Variants in ASTN1 observed in about 807,000 individuals in gnomAD.
ASTN1 encodes astrotactin-1.
A neutral mutation model predicts 140.7 loss-of-function variants in ASTN1; 41 were observed. The observed-to-expected ratio is 0.29, with a 90% CI of 0.23 to 0.38. The LOEUF (loss-of-function observed/expected upper bound fraction) is 0.38. Ranked by LOEUF, ASTN1 falls within the 10% of genes least tolerant of loss-of-function variation. ASTN1 has a pLI of 1.00. For missense variants in ASTN1, 1,479 were observed against 1,678.8 expected, an observed-to-expected ratio of 0.88 and a Z score of 2.08; for synonymous variants, 640 against 652.2, an observed-to-expected ratio of 0.98 and a Z score of 0.29.
At chr1:177,075,025 C>A (rs1678819422) in intron 1 of ASTN1, among the ~76,000 whole-genome samples, 1 of 152,152 alleles carries the variant, frequency 6.6e-6, no homozygotes, top group African/African-American at 2.4e-5. Context: ...ATCTCACACC[C>A]ATTGCTTTAT....
chr1:176,943,908 T>A lies in ASTN1; in HGVS notation c.2360A>T (p.Asp787Val). The stretch of plus-strand genomic sequence containing the variant: ...ACACTCACCAGTCAGGAAGTCAGGG[T>A]CAGGGGTGGGCTCCGAGATCTCCTC... ...CLEEISEPTP[D>V]PDFLTGMVNF... Residue 787 changes from aspartate (D) to valine (V), a missense_variant, in exon 14 of 23, where the codon GAC becomes GTC. Physicochemically the swap from Asp to Val is radical, Grantham distance 152. Around this residue, in one of 3 missense-constraint regions of ASTN1, gnomAD observed 746 missense variants for 800.9 expected, o/e 0.93. Transcript: ENST00000361833. 1 of 1,609,616 alleles carries A rather than the reference T, an allele frequency of 6.2e-7. No homozygotes were observed. The highest frequency in any genetic ancestry group is 1.3e-5 in the African/African-American group (1 of 74,764).
At chr1:177,150,562 T>C (rs1271482064) in intron 1 of ASTN1, among the ~76,000 whole-genome samples, 6 of 152,094 alleles carry the variant, frequency 3.9e-5, no homozygotes, top group Admixed American at 2.0e-4. Flanking sequence ...AAACTGTGAA[T>C]TTCCAAGGAC....
chr1:177,070,499 T>C (rs1402225317), intron 1 of ASTN1, among the ~76,000 whole-genome samples: 1 of 152,158 alleles, frequency 6.6e-6, no homozygotes, highest in African/African-American at 2.4e-5. Context: ...TCCTAAACTG[T>C]TTTCATTCAT....
At chr1:177,029,580 G>A (rs1383175865) in intron 5 of ASTN1, 54 bp downstream of exon 5, 14 of 1,556,838 alleles carry the variant, frequency 9.0e-6, no homozygotes, top group South Asian at 7.9e-5. Flanking sequence ...GCCTTCCCCC[G>A]CCTCCCTCAC....
At chr1:176,982,894 T>C (rs1388247580) in intron 8 of ASTN1, among the ~76,000 whole-genome samples, 1 of 152,086 alleles carries the variant, frequency 6.6e-6, no homozygotes, top group Non-Finnish European at 1.5e-5. Flanking sequence ...CTGCACATGT[T>C]TATGTAAGGT....
At chr1:177,091,669 C>A (rs141755197) in intron 1 of ASTN1, among the ~76,000 whole-genome samples, 234 of 152,266 alleles carry the variant, frequency 1.5e-3, no homozygotes, top group East Asian at 3.1e-3. Flanking sequence ...TTCTATCTCC[C>A]CAAAATGAAA....
intron 2 of ASTN1, among the ~76,000 whole-genome samples, chr1:177,043,757 A>C (rs540349470): frequency 1.6e-3 from 239 of 152,314 alleles, no homozygotes; most frequent in Non-Finnish European, 2.4e-3. Context: ...GGAGACGCTG[A>C]CGTACGAACA....
intron 2 of ASTN1, among the ~76,000 whole-genome samples, chr1:177,033,123 C>CTGTGTGTGTGTGTGTGTGTGTGTGTG (rs10603141): frequency 6.8e-6 from 1 of 146,234 alleles, no homozygotes; most frequent in Non-Finnish European, 1.5e-5. Flanking sequence ...AGAAACAAGT[C>CTGTGTGTGTGTGTGTGTGTGTGTGTG]TGTGTGTGTG....
intron 9 of ASTN1, among the ~76,000 whole-genome samples, chr1:176,964,483 G>A (rs1672790886): frequency 6.6e-6 from 1 of 152,188 alleles, no homozygotes; most frequent in Non-Finnish European, 1.5e-5. Flanking sequence ...AACTGTTTCA[G>A]CTAAGGCCTA....
intron 8 of ASTN1, among the ~76,000 whole-genome samples, chr1:176,972,450 T>C (rs1249616262): frequency 1.3e-5 from 2 of 152,164 alleles, no homozygotes; most frequent in Non-Finnish European, 2.9e-5. Context: ...TAAAATAAAA[T>C]GGTGATAGAA....
intron 1 of ASTN1, among the ~76,000 whole-genome samples, chr1:177,095,790 C>T (rs1680000290): frequency 6.6e-6 from 1 of 152,122 alleles, no homozygotes; most frequent in African/African-American, 2.4e-5. Flanking sequence ...GGCAGGGCCA[C>T]CCTTGCAACT....
intron 8 of ASTN1, among the ~76,000 whole-genome samples, chr1:176,991,577 T>C (rs371565668): frequency 6.6e-6 from 1 of 152,076 alleles, no homozygotes; most frequent in East Asian, 1.9e-4. Flanking sequence ...GGCGACCTGA[T>C]CGCTCGATAA....
chr1:176,998,570 C>G (rs535649927), intron 8 of ASTN1, among the ~76,000 whole-genome samples: 1 of 152,184 alleles, frequency 6.6e-6, no homozygotes, highest in Non-Finnish European at 1.5e-5. Context: ...AAGTCACTGA[C>G]AGTGGAGAGA....
In ASTN1 at chr1:177,032,481, T is replaced by C. The variant is rs1203334835; in HGVS notation, c.840A>G (p.Glu280=). Reference sequence around the variant, plus strand: ...CTGGTGTGAGGTCCATCCCCGACTTTTCATTGCAGCCCTGCAGGGAGTCGA... The same window carrying C: ...CTGGTGTGAGGTCCATCCCCGACTTCTCATTGCAGCCCTGCAGGGAGTCGA... ...RTLDSLQGCN[E]KSGMDLTPGS... is the part of the protein sequence containing the mutation. Residue 280 remains glutamate, a synonymous_variant, in exon 3 of 23, where the codon GAA becomes GAG. Transcript: ENST00000361833. 1.9e-6 allele frequency: 3 copies of C among 1,614,028 alleles called. No individual in the cohort carries two copies. In the South Asian group the frequency reaches 3.3e-5, roughly 18 times the overall value.
intron 7 of ASTN1, among the ~76,000 whole-genome samples, chr1:177,018,261 G>A (rs892770019): frequency 6.6e-6 from 1 of 152,202 alleles, no homozygotes; most frequent in Admixed American, 6.5e-5. Flanking sequence ...AGAACGGAGT[G>A]TAGCATGTGT....
chr1:177,046,262 G>T (rs2102004257), intron 2 of ASTN1, among the ~76,000 whole-genome samples: 1 of 152,302 alleles, frequency 6.6e-6, no homozygotes, highest in East Asian at 1.9e-4. Context: ...CACAATGTAA[G>T]TTGAGTGAGA....
At chr1:177,012,516 G>T (rs1675341761) in intron 8 of ASTN1, among the ~76,000 whole-genome samples, 1 of 152,166 alleles carries the variant, frequency 6.6e-6, no homozygotes, top group Admixed American at 6.5e-5. Context: ...GGAAATTAAA[G>T]ATGGAAATGA....
At chr1:177,014,666 C>A (rs1675453574) in intron 8 of ASTN1, 125 bp downstream of exon 8, 1 of 756,472 alleles carries the variant, frequency 1.3e-6, no homozygotes, top group African/African-American at 1.8e-5. Context: ...ACATTTTTAC[C>A]CATTTGCTGT....
At chr1:177,144,474 G>T (rs992452947) in intron 1 of ASTN1, among the ~76,000 whole-genome samples, 14 of 146,620 alleles carry the variant, frequency 9.5e-5, no homozygotes, top group Admixed American at 2.1e-4. Flanking sequence ...GGATGGTCTT[G>T]ATCTCCTGAC....
Sources: allele counts gnomAD v4.1 joint callset (sites outside exome capture counted in the v4.1 genomes callset), GRCh38; gene constraint gnomAD v4.1.1; regional missense constraint gnomAD v4.1.1; transcripts MANE v1.5; gene names NCBI Gene and HGNC (gene_info 2026-07-23, HGNC 2026-07-21).